Variants in PRKCE observed in about 807,000 individuals in gnomAD.
PRKCE encodes protein kinase C epsilon type.
In PRKCE, 16 loss-of-function variants were observed where a neutral mutation model predicts 85.4. That is an observed-to-expected ratio of 0.19 (90% CI 0.13 to 0.28). The LOEUF (loss-of-function observed/expected upper bound fraction) is 0.28. Among genes scored for constraint, PRKCE ranks in the 10% least tolerant of loss-of-function variants. The pLI is 1.00. For missense variants in PRKCE, 573 were observed against 975.2 expected, an observed-to-expected ratio of 0.59 and a Z score of 5.49; for synonymous variants, 388 against 371.5, an observed-to-expected ratio of 1.04 and a Z score of -0.51.
At chr2:45,721,459 TCA>T (rs1448178947) in intron 1 of PRKCE, among the ~76,000 whole-genome samples, 1 of 152,214 alleles carries the variant, frequency 6.6e-6, no homozygotes, top group Non-Finnish European at 1.5e-5. Flanking sequence ...GGTGGAATTC[TCA>T]GACGGATGGG....
chr2:46,050,485 G>A (rs1708787600), intron 10 of PRKCE, among the ~76,000 whole-genome samples: 1 of 152,220 alleles, frequency 6.6e-6, no homozygotes, highest in Admixed American at 6.5e-5. Flanking sequence ...ATTATTTCTA[G>A]TCTTTTGGCT....
chr2:46,162,554 T>A (rs1360939068), intron 14 of PRKCE, among the ~76,000 whole-genome samples: 3 of 151,804 alleles, frequency 2.0e-5, no homozygotes, highest in Non-Finnish European at 4.4e-5. Context: ...GGGGGCGGGG[T>A]CAGGGGAGAG....
chr2:45,678,429 G>C (rs1259634658), intron 1 of PRKCE, among the ~76,000 whole-genome samples: 2 of 152,178 alleles, frequency 1.3e-5, no homozygotes, highest in African/African-American at 4.8e-5. Context: ...GATTGCAATT[G>C]TCTTGCAACT....
At chr2:46,049,755 C>T (rs942370959) in intron 10 of PRKCE, among the ~76,000 whole-genome samples, 4 of 152,320 alleles carry the variant, frequency 2.6e-5, no homozygotes, top group Admixed American at 6.5e-5. Flanking sequence ...TCCCATCATG[C>T]GTTTCCTTCT....
chr2:46,157,280 C>G (rs1348598218), intron 13 of PRKCE, among the ~76,000 whole-genome samples: 1 of 152,222 alleles, frequency 6.6e-6, no homozygotes, highest in Non-Finnish European at 1.5e-5. Context: ...GAGCTGGCCA[C>G]CATCCCAGGC....
chr2:46,077,869 G>T (rs1668695969), intron 10 of PRKCE: 1 of 152,198 alleles, frequency 6.6e-6, no homozygotes, highest in East Asian at 1.9e-4. Flanking sequence ...ACAAGGCTCT[G>T]CCTGTAGTTC....
At chr2:45,973,738 C>T (rs1702255282) in intron 2 of PRKCE, among the ~76,000 whole-genome samples, 1 of 152,172 alleles carries the variant, frequency 6.6e-6, no homozygotes, top group African/African-American at 2.4e-5. Flanking sequence ...GATGTCAACA[C>T]AGTTTAGAAC....
chr2:45,936,104 C>A (rs1176234309), intron 2 of PRKCE, among the ~76,000 whole-genome samples: 2 of 152,100 alleles, frequency 1.3e-5, no homozygotes, highest in Non-Finnish European at 2.9e-5. Flanking sequence ...GATCCTTCAC[C>A]CTAGGAGGGC....
At chr2:45,889,424 G>T (rs1043655497) in intron 2 of PRKCE, among the ~76,000 whole-genome samples, 1 of 152,198 alleles carries the variant, frequency 6.6e-6, no homozygotes, top group East Asian at 1.9e-4. Context: ...CGATGAACTT[G>T]TGTCTTATAG....
chr2:45,699,181 C>T (rs1313878102), intron 1 of PRKCE, among the ~76,000 whole-genome samples: 3 of 151,992 alleles, frequency 2.0e-5, no homozygotes, highest in Non-Finnish European at 4.4e-5. Context: ...GTCTGCTGTT[C>T]GTCCTTAGCA....
intron 10 of PRKCE, among the ~76,000 whole-genome samples, chr2:46,079,034 AG>A (rs1384797949): frequency 2.6e-4 from 39 of 152,028 alleles, no homozygotes; most frequent in African/African-American, 9.2e-4. Context: ...AAAATTAGCA[AG>A]GTGTGGTGGC....
intron 10 of PRKCE, chr2:46,010,807 C>T: frequency 6.3e-7 from 1 of 1,582,868 alleles, no homozygotes; most frequent in South Asian, 1.1e-5. Context: ...GAAAAACCAA[C>T]AAGTGTGGTT....
At chr2:45,854,856 C>A (rs923261466) in intron 2 of PRKCE, among the ~76,000 whole-genome samples, 1 of 152,146 alleles carries the variant, frequency 6.6e-6, no homozygotes, top group Non-Finnish European at 1.5e-5. Flanking sequence ...TATTCTGTGG[C>A]TCCTCTTGCA....
intron 1 of PRKCE, among the ~76,000 whole-genome samples, chr2:45,778,341 C>A (rs534083318): frequency 6.6e-6 from 1 of 152,130 alleles, no homozygotes; most frequent in Non-Finnish European, 1.5e-5. Flanking sequence ...AGACTGATGT[C>A]CCAAGAGAAC....
intron 11 of PRKCE, among the ~76,000 whole-genome samples, chr2:46,100,445 G>A (rs781736032): frequency 1.3e-5 from 2 of 152,174 alleles, no homozygotes; most frequent in African/African-American, 4.8e-5. Context: ...CTCCCGCAAG[G>A]GGCTGTAACC....
At chr2:46,018,302 A>G (rs1391798354) in intron 10 of PRKCE, among the ~76,000 whole-genome samples, 1 of 152,238 alleles carries the variant, frequency 6.6e-6, no homozygotes, top group African/African-American at 2.4e-5. Context: ...ATGGGGCGCC[A>G]TGCTGCCTGC....
chr2:46,155,737 T>C lies in PRKCE; in HGVS notation c.1921-3869T>C, dbSNP rs1677131381. 6.6e-6 allele frequency among the ~76,000 whole-genome samples: 1 copy of C among 152,138 alleles called. No homozygotes were observed. ...GCAATCCCTCTCTCCCCATCACAGC[T>C]AGTCATCAAGTCCGTTCCCCCTGCT... On this transcript the variant is annotated intron_variant, in intron 13 of 14. Transcript: ENST00000306156. This position sits in a 1 kb window ranked among gnomAD's most constrained non-coding sequence, Gnocchi z 4.7.
At chr2:45,982,468 C>G (rs1304974042) in intron 5 of PRKCE, among the ~76,000 whole-genome samples, 2 of 152,202 alleles carry the variant, frequency 1.3e-5, no homozygotes, top group African/African-American at 4.8e-5. Flanking sequence ...GTCTGTGTGT[C>G]TTAGCATGCG....
chr2:45,981,392 A>C (rs568746310), intron 5 of PRKCE, among the ~76,000 whole-genome samples: 2 of 152,208 alleles, frequency 1.3e-5, no homozygotes, highest in Non-Finnish European at 2.9e-5. Context: ...AAGAGGACTG[A>C]CTTATAGAGA....
Sources: allele counts gnomAD v4.1 joint callset (sites outside exome capture counted in the v4.1 genomes callset), GRCh38; gene constraint gnomAD v4.1.1; non-coding constraint Gnocchi (gnomAD v3.1); transcripts MANE v1.5; gene names NCBI Gene and HGNC (gene_info 2026-07-23, HGNC 2026-07-21).